Variants in DMRT1 observed in about 807,000 individuals in gnomAD.
The protein encoded by DMRT1 is doublesex- and mab-3-related transcription factor 1.
In DMRT1, 7 loss-of-function variants were observed where a neutral mutation model predicts 32.3. The ratio of observed to expected loss-of-function variants is 0.22; its 90% CI spans 0.12 to 0.41. The LOEUF (loss-of-function observed/expected upper bound fraction) is 0.41. DMRT1 is among the 10% of genes least tolerant of loss of function. The pLI is 1.00. For synonymous variants in DMRT1, 278 were observed against 206.1 expected (o/e 1.35, Z -2.99); for missense variants, 625 against 500.5 (o/e 1.25, Z -2.37).
chr9:882,495 C>A (rs1816770064), intron 2 of DMRT1, among the ~76,000 whole-genome samples: 2 of 152,124 alleles, frequency 1.3e-5, no homozygotes. Context: ...CCTTTACATT[C>A]TCCTTTGCAC....
intron 2 of DMRT1, among the ~76,000 whole-genome samples, chr9:882,617 C>T: frequency 6.6e-6 from 1 of 151,976 alleles, no homozygotes; most frequent in Non-Finnish European, 1.5e-5. Flanking sequence ...TTTCAGTAGC[C>T]CCAGGGCAGC....
intron 3 of DMRT1, among the ~76,000 whole-genome samples, chr9:907,829 A>ACGTG (rs368092547): frequency 1.9e-4 from 29 of 149,428 alleles, no homozygotes; most frequent in African/African-American, 7.2e-4. Flanking sequence ...TAAAATATAT[A>ACGTG]TGTGTGTGTG....
At chr9:939,022 C>G (rs541458897) in intron 4 of DMRT1, among the ~76,000 whole-genome samples, 1 of 152,224 alleles carries the variant, frequency 6.6e-6, no homozygotes, top group African/African-American at 2.4e-5. Context: ...CCCCTGCCTT[C>G]ACTGGTTAGG....
intron 2 of DMRT1, among the ~76,000 whole-genome samples, chr9:867,041 A>G (rs1321204131): frequency 6.6e-6 from 1 of 152,166 alleles, no homozygotes. Context: ...GGCAACAAAA[A>G]TGATGTATGA....
At position 969,005 on chromosome 9, in the gene DMRT1, A is replaced by T. The variant is rs1820025727; in HGVS notation, c.*866A>T. On this transcript the variant is annotated 3_prime_UTR_variant, in exon 5 of 5. Transcript: ENST00000382276. ...AGTACTTTGTTATATAACAGAAGCC[A>T]TCCTGAAATGAAACTAGTCTAAAAA... 2.6e-5 allele frequency: 4 copies of T among 152,686 alleles called. No homozygotes were observed. The South Asian group carries it at 8.3e-4, about 32-fold the overall frequency. The allele number at this position is 152,686 out of a possible 1,614,324, so 9.5% of individuals were successfully genotyped here. A position where few individuals can be genotyped will look rare whatever the true frequency, so the allele number is the denominator to read the frequency against.
intron 3 of DMRT1, among the ~76,000 whole-genome samples, chr9:897,517 G>A (rs1445758028): frequency 4.0e-5 from 6 of 151,836 alleles, no homozygotes; most frequent in African/African-American, 9.7e-5. Context: ...ATGGGAGCCC[G>A]GGAGTTGGAG....
chr9:856,095 T>C (rs1221246871), intron 2 of DMRT1, among the ~76,000 whole-genome samples: 1 of 151,988 alleles, frequency 6.6e-6, no homozygotes, highest in African/African-American at 2.4e-5. Flanking sequence ...TTTTGTATTT[T>C]TAGTAGAGAC....
chr9:854,659 A>C (rs949298208), intron 2 of DMRT1, among the ~76,000 whole-genome samples: 5 of 151,974 alleles, frequency 3.3e-5, no homozygotes, highest in Non-Finnish European at 7.4e-5. Context: ...CTTTCAATTA[A>C]AGCTAGAATA....
chr9:862,094 C>CG (rs1026071950), intron 2 of DMRT1, among the ~76,000 whole-genome samples: 1 of 123,552 alleles, frequency 8.1e-6, no homozygotes, highest in African/African-American at 2.9e-5. Flanking sequence ...ACTTCCTAGA[C>CG]GGGGTGGCGG....
chr9:908,975 C>G (rs1817878470), intron 3 of DMRT1, among the ~76,000 whole-genome samples: 1 of 152,128 alleles, frequency 6.6e-6, no homozygotes, highest in African/African-American at 2.4e-5. Flanking sequence ...CCCCTCACCC[C>G]ACACACGTTG....
intron 1 of DMRT1, among the ~76,000 whole-genome samples, chr9:846,274 C>T (rs569229545): frequency 2.6e-5 from 4 of 152,158 alleles, no homozygotes; most frequent in Admixed American, 6.5e-5. Flanking sequence ...CTCCGGTGAT[C>T]GGCCCACCTC....
intron 2 of DMRT1, among the ~76,000 whole-genome samples, chr9:870,914 A>G (rs1404327657): frequency 1.3e-5 from 2 of 151,822 alleles, no homozygotes; most frequent in African/African-American, 4.8e-5. Flanking sequence ...GGGTTTCTCC[A>G]TGTTGCCCAG....
intron 2 of DMRT1, among the ~76,000 whole-genome samples, chr9:877,218 G>T (rs545183202): frequency 6.6e-6 from 1 of 152,286 alleles, no homozygotes; most frequent in East Asian, 1.9e-4. Flanking sequence ...TTCTTTTAAT[G>T]TCAAAGAAGC....
At chr9:845,816 T>G (rs1375137759) in intron 1 of DMRT1, among the ~76,000 whole-genome samples, 1 of 152,194 alleles carries the variant, frequency 6.6e-6, no homozygotes, top group African/African-American at 2.4e-5. Context: ...TATTCCGATA[T>G]GTACTGCCCC....
At chr9:921,887 C>T (rs1423642631) in intron 4 of DMRT1, among the ~76,000 whole-genome samples, 1 of 152,116 alleles carries the variant, frequency 6.6e-6, no homozygotes, top group Non-Finnish European at 1.5e-5. Flanking sequence ...CTGCATCCAG[C>T]ACTGCATCAC....
intron 4 of DMRT1, among the ~76,000 whole-genome samples, chr9:960,396 T>C (rs2129994055): frequency 6.6e-6 from 1 of 152,326 alleles, no homozygotes; most frequent in East Asian, 1.9e-4. Flanking sequence ...TAATTTCCAA[T>C]GGAGTACAGA....
chr9:896,272 T>C (rs1201518505), intron 3 of DMRT1, among the ~76,000 whole-genome samples: 1 of 151,584 alleles, frequency 6.6e-6, no homozygotes, highest in Non-Finnish European at 1.5e-5. Context: ...AGATTTTTTT[T>C]TTCTTGTCTT....
chr9:923,947 G>C (rs1048529550), intron 4 of DMRT1, among the ~76,000 whole-genome samples: 24 of 152,172 alleles, frequency 1.6e-4, no homozygotes, highest in African/African-American at 5.8e-4. Flanking sequence ...ACTTGGAACA[G>C]AGAAGTAAGT....
intron 1 of DMRT1, 199 bp downstream of exon 1, chr9:842,391 T>C (rs966351098): frequency 3.3e-5 from 22 of 669,088 alleles, no homozygotes; most frequent in Admixed American, 5.9e-5. Context: ...CACACCACCA[T>C]GCCCGGCTAA....
Sources: gnomAD v4.1 joint callset for allele counts (sites outside exome capture counted in the v4.1 genomes callset) on GRCh38, gnomAD v4.1.1 for gene constraint, MANE v1.5 for transcripts, NCBI Gene and HGNC (gene_info 2026-07-23, HGNC 2026-07-21) for gene names.